RSU1: variants seen among roughly 807,000 people sequenced by gnomAD.
RSU1 encodes the protein Ras suppressor protein 1.
RSU1 carries 26 observed loss-of-function variants against 31.1 expected under a neutral mutation model. The observed-to-expected ratio is 0.84, with a 90% confidence interval of 0.61 to 1.16. The LOEUF is 1.16. RSU1 is among the 50% of genes most tolerant of loss of function. The pLI is 0.00. For missense variants in RSU1, 320 were observed against 339.1 expected, an observed-to-expected ratio of 0.94 and a Z score of 0.44; for synonymous variants, 164 against 136.3, an observed-to-expected ratio of 1.20 and a Z score of -1.41.
intron 8 of RSU1, among the ~76,000 whole-genome samples, chr10:16,676,448 T>G (rs1835233911): frequency 6.6e-6 from 1 of 152,160 alleles, no homozygotes; most frequent in Non-Finnish European, 1.5e-5. Context: ...AACCCACCCC[T>G]ATGATTCAAT....
chr10:16,712,745 T>C (rs899560712), intron 7 of RSU1, among the ~76,000 whole-genome samples: 51 of 152,198 alleles, frequency 3.4e-4, no homozygotes, highest in Admixed American at 2.7e-3. Flanking sequence ...GAGATTTACA[T>C]AGGACCATTA....
chr10:16,767,572 C>G (rs148660031), intron 3 of RSU1, among the ~76,000 whole-genome samples: 24 of 152,196 alleles, frequency 1.6e-4, no homozygotes, highest in Non-Finnish European at 2.8e-4. Flanking sequence ...AAAAATAATA[C>G]ACAGCTAATA....
intron 8 of RSU1, among the ~76,000 whole-genome samples, chr10:16,656,665 T>C (rs1177178750): frequency 6.6e-6 from 1 of 152,238 alleles, no homozygotes; most frequent in African/African-American, 2.4e-5. Flanking sequence ...CACAATCATG[T>C]ATGGAATTAA....
chr10:16,750,390 C>T (rs1358326110), intron 7 of RSU1, among the ~76,000 whole-genome samples: 1 of 152,068 alleles, frequency 6.6e-6, no homozygotes, highest in African/African-American at 2.4e-5. Context: ...AAAGCCTTCC[C>T]CCTCAATTCT....
At chr10:16,668,096 T>C (rs1835034327) in intron 8 of RSU1, among the ~76,000 whole-genome samples, 1 of 152,202 alleles carries the variant, frequency 6.6e-6, no homozygotes, top group Non-Finnish European at 1.5e-5. Context: ...CTACTACATA[T>C]TAAAACTGTA....
chr10:16,596,916 T>A (rs1833623941), intron 8 of RSU1, among the ~76,000 whole-genome samples: 1 of 151,842 alleles, frequency 6.6e-6, no homozygotes, highest in Non-Finnish European at 1.5e-5. Context: ...AGAGAGGGGG[T>A]TTCGCCACGT....
At chr10:16,642,317 A>G (rs1490837877) in intron 8 of RSU1, among the ~76,000 whole-genome samples, 2 of 152,214 alleles carry the variant, frequency 1.3e-5, no homozygotes, top group African/African-American at 4.8e-5. Context: ...AAGCTGTAGA[A>G]AAACAACGTG....
intron 8 of RSU1, among the ~76,000 whole-genome samples, chr10:16,690,990 G>C (rs570375778): frequency 2.5e-4 from 38 of 151,972 alleles, no homozygotes; most frequent in African/African-American, 9.2e-4. Context: ...GGAAGTATGC[G>C]GCTTAAACAA....
At chr10:16,602,362 C>T (rs900796252) in intron 8 of RSU1, among the ~76,000 whole-genome samples, 4 of 152,166 alleles carry the variant, frequency 2.6e-5, no homozygotes, top group African/African-American at 9.7e-5. Context: ...AACAACCCAG[C>T]GAGGAAGCTC....
chr10:16,619,213 C>T (rs1156355250), intron 8 of RSU1, among the ~76,000 whole-genome samples: 2 of 152,218 alleles, frequency 1.3e-5, no homozygotes, highest in East Asian at 3.8e-4. Flanking sequence ...TGATAGAATA[C>T]TCACGTAGTT....
At chr10:16,653,582 G>A (rs1202475284) in intron 8 of RSU1, among the ~76,000 whole-genome samples, 1 of 151,946 alleles carries the variant, frequency 6.6e-6, no homozygotes, top group Non-Finnish European at 1.5e-5. Flanking sequence ...TGAAAATTCT[G>A]CAACAAGTAA....
At chr10:16,792,379 C>T (rs1402130166) in intron 2 of RSU1, among the ~76,000 whole-genome samples, 2 of 152,124 alleles carry the variant, frequency 1.3e-5, no homozygotes, top group African/African-American at 2.4e-5. Context: ...ACTACAGGCA[C>T]GCACCACCAC....
At chr10:16,670,685 CA>C (rs1213746843) in intron 8 of RSU1, among the ~76,000 whole-genome samples, 1 of 152,160 alleles carries the variant, frequency 6.6e-6, no homozygotes, top group Non-Finnish European at 1.5e-5. Context: ...AGACCAAACT[CA>C]TCTTTCATGC....
chr10:16,797,709 C>T (rs1353707177), intron 2 of RSU1, among the ~76,000 whole-genome samples: 1 of 151,682 alleles, frequency 6.6e-6, no homozygotes, highest in African/African-American at 2.4e-5. Flanking sequence ...TCCAAAAATT[C>T]AGCAATAAAG....
chr10:16,667,968 A>G (rs1312217229), intron 8 of RSU1, among the ~76,000 whole-genome samples: 1 of 152,192 alleles, frequency 6.6e-6, no homozygotes, highest in Non-Finnish European at 1.5e-5. Context: ...ATAAATATAA[A>G]TATATGAGAA....
intron 8 of RSU1, among the ~76,000 whole-genome samples, chr10:16,622,270 A>G (rs1834083509): frequency 6.6e-6 from 1 of 152,234 alleles, no homozygotes; most frequent in African/African-American, 2.4e-5. Context: ...ACGTGAGGTC[A>G]ACAAACTTCT....
intron 8 of RSU1, among the ~76,000 whole-genome samples, chr10:16,613,743 A>T (rs1833931029): frequency 6.6e-6 from 1 of 151,952 alleles, no homozygotes; most frequent in South Asian, 2.1e-4. Context: ...TTTCCTCCTG[A>T]TATGCATCAG....
intron 8 of RSU1, among the ~76,000 whole-genome samples, chr10:16,641,102 G>A (rs1350188181): frequency 3.3e-5 from 5 of 152,124 alleles, no homozygotes; most frequent in Non-Finnish European, 7.3e-5. Context: ...GTCCACCATG[G>A]CACACGTTTA....
At chr10:16,619,158 A>G (rs2131476577) in intron 8 of RSU1, among the ~76,000 whole-genome samples, 1 of 152,344 alleles carries the variant, frequency 6.6e-6, no homozygotes. Context: ...GAAATTAAAA[A>G]TGAATGGCAA....
Sources: allele counts gnomAD v4.1 joint callset (sites outside exome capture counted in the v4.1 genomes callset), GRCh38; gene constraint gnomAD v4.1.1; transcripts MANE v1.5; gene names NCBI Gene and HGNC (gene_info 2026-07-23, HGNC 2026-07-21).